AFF2: variants seen among roughly 807,000 people sequenced by gnomAD.
AFF2 encodes AF4/FMR2 family member 2.
AFF2 carries 14 observed loss-of-function variants against 76.9 expected under a neutral mutation model. That is an observed-to-expected ratio of 0.18 (90% CI 0.12 to 0.28). The LOEUF (loss-of-function observed/expected upper bound fraction) is 0.28, where lower values mean the gene tolerates loss of function less well. Among genes scored for constraint, AFF2 ranks in the 10% least tolerant of loss-of-function variants. The pLI is 1.00. For missense variants in AFF2, 868 were observed against 1,001.1 expected (o/e 0.87, Z 1.79); for synonymous variants, 398 against 366.7 (o/e 1.09, Z -0.98).
At chrX:148,515,160 C>A (rs1390399824) in intron 1 of AFF2, among the ~76,000 whole-genome samples, 2 of 111,696 alleles carry the variant, frequency 1.8e-5, no homozygotes, top group Non-Finnish European at 3.8e-5. Flanking sequence ...AAATTGTTTC[C>A]TCACTGGAAA....
intron 1 of AFF2, among the ~76,000 whole-genome samples, chrX:148,534,153 A>T (rs997321098): frequency 8.9e-6 from 1 of 112,174 alleles, no homozygotes; most frequent in East Asian, 2.8e-4. Flanking sequence ...TTCTACCTAT[A>T]GCAAAACAAT....
intron 1 of AFF2, among the ~76,000 whole-genome samples, chrX:148,521,406 ACACACT>A (rs1349529426): frequency 0.032 from 1,987 of 61,427 alleles, 51 homozygotes; most frequent in African/African-American, 0.11. Context: ...ACACACACAC[ACACACT>A]CACTGAGACT....
chrX:148,555,321 GAGGAT>G (rs1457012251), intron 1 of AFF2, among the ~76,000 whole-genome samples: 6 of 112,215 alleles, frequency 5.3e-5, no homozygotes, highest in Non-Finnish European at 1.1e-4. Context: ...GGGGCTGCGA[GAGGAT>G]TATGGTCTCT....
At position 148,962,911 on chromosome X, in the gene AFF2, G is replaced by A. The variant is rs1557288277; in HGVS notation, c.2887G>A (p.Ala963Thr). 6 of 1,194,757 alleles carry A rather than the reference G, an allele frequency of 5.0e-6. No individual in the cohort carries two copies. The change falls in exon 13 of 21, where the codon GCT (alanine) becomes ACT (threonine). Residue 963 changes from alanine to threonine, a missense_variant. Transcript: ENST00000370460. ...TAAGAGAACTGAAGGCAAATTCTGT[G>A]CTACTTTCAAAGGGATATCGGTAAA... ...KPKRTEGKFCATFKGISVNEG... is the reference protein window; with the variant it reads ...KPKRTEGKFCTTFKGISVNEG...
chrX:148,830,499 T>C (rs1160833604), intron 4 of AFF2, among the ~76,000 whole-genome samples: 1 of 111,888 alleles, frequency 8.9e-6, no homozygotes, highest in African/African-American at 3.3e-5. Flanking sequence ...TCCGTAAGTG[T>C]CGGCCTGTCT....
chrX:148,973,396 C>T (rs1379597641), intron 15 of AFF2, 75 bp from the exon 16 acceptor site: 3 of 1,153,953 alleles, frequency 2.6e-6, no homozygotes, highest in South Asian at 2.0e-5. Flanking sequence ...AAACTACCCC[C>T]CAGTTTCAAA....
chrX:148,638,768 G>T (rs1473058639), intron 1 of AFF2, among the ~76,000 whole-genome samples: 1 of 110,912 alleles, frequency 9.0e-6, no homozygotes, highest in Admixed American at 9.6e-5. Flanking sequence ...CATTCACTAT[G>T]GCAAGTACAG....
At position 148,911,156 on chromosome X, in the gene AFF2, A is replaced by T. The variant is rs782695084; in HGVS notation, c.1397+6898A>T. Among the ~76,000 whole-genome samples, 5 of 110,314 alleles carry T rather than the reference A, an allele frequency of 4.5e-5. No individual in the cohort carries two copies. The East Asian group carries it at 1.4e-3, about 32-fold the overall frequency. On this transcript the variant is annotated intron_variant, in intron 9 of 20. Coordinates refer to ENST00000370460, the MANE Select transcript of AFF2 (RefSeq NM_002025.4). ...TGCATCTGTATTTAACTCCACACAC[A>T]CACGTGCACACACATAATGCCTTTC...
chrX:148,986,630 C>A (rs1182495134), intron 19 of AFF2, among the ~76,000 whole-genome samples: 1 of 112,762 alleles, frequency 8.9e-6, no homozygotes, highest in Admixed American at 9.3e-5. Flanking sequence ...CTACTTTTCC[C>A]AGCTTCCCAA....
intron 10 of AFF2, 73 bp downstream of exon 10, chrX:148,953,812 C>A: frequency 2.0e-5 from 14 of 692,236 alleles, no homozygotes; most frequent in Non-Finnish European, 2.8e-5. Flanking sequence ...CACACACACA[C>A]AGACACACAC....
chrX:148,643,141 G>A (rs1603265918), intron 1 of AFF2, among the ~76,000 whole-genome samples: 1 of 111,746 alleles, frequency 8.9e-6, no homozygotes, highest in African/African-American at 3.3e-5. Flanking sequence ...GAAGAAACAG[G>A]AAATATATAA....
At chrX:148,920,043 T>TA (rs1488692226) in intron 9 of AFF2, among the ~76,000 whole-genome samples, 3 of 111,914 alleles carry the variant, frequency 2.7e-5, no homozygotes, top group East Asian at 2.8e-4. Context: ...CACTGTGATG[T>TA]AAAAAAAACA....
At chrX:148,929,555 G>A (rs782124162) in intron 9 of AFF2, among the ~76,000 whole-genome samples, 7 of 111,769 alleles carry the variant, frequency 6.3e-5, no homozygotes, top group Non-Finnish European at 1.3e-4. Context: ...AGATTAGACC[G>A]GTGTTCTTGT....
chrX:148,602,700 G>A (rs1557248243), intron 1 of AFF2, among the ~76,000 whole-genome samples: 1 of 111,135 alleles, frequency 9.0e-6, no homozygotes, highest in Non-Finnish European at 1.9e-5. Context: ...AACAGGCAAT[G>A]TAGAGTAACA....
intron 3 of AFF2, among the ~76,000 whole-genome samples, chrX:148,681,431 C>T (rs1173602556): frequency 9.1e-6 from 1 of 109,936 alleles, no homozygotes; most frequent in African/African-American, 3.3e-5. Flanking sequence ...GTACACAGGG[C>T]GAAATTAACT....
intron 15 of AFF2, among the ~76,000 whole-genome samples, chrX:148,969,359 T>C (rs1328452529): frequency 8.9e-6 from 1 of 112,444 alleles, no homozygotes; most frequent in African/African-American, 3.2e-5. Flanking sequence ...AGAGAATAAG[T>C]ATATTTCTTG....
chrX:148,641,797 CT>C (rs782187890), intron 1 of AFF2, among the ~76,000 whole-genome samples: 1 of 111,754 alleles, frequency 8.9e-6, no homozygotes, highest in South Asian at 3.7e-4. Context: ...CTGCCTTTAC[CT>C]TCACATAGAG....
At chrX:148,806,392 G>A (rs1427847147) in intron 3 of AFF2, among the ~76,000 whole-genome samples, 2 of 111,882 alleles carry the variant, frequency 1.8e-5, no homozygotes, top group Non-Finnish European at 3.8e-5. Flanking sequence ...ACTCCCATAT[G>A]GAGCGAGGAC....
chrX:148,628,681 T>C (rs2053952214), intron 1 of AFF2, among the ~76,000 whole-genome samples: 1 of 112,261 alleles, frequency 8.9e-6, no homozygotes, highest in Non-Finnish European at 1.9e-5. Flanking sequence ...TATTTGTTTC[T>C]AGAAGTAAAA....
Sources: gnomAD v4.1 joint callset for allele counts (sites outside exome capture counted in the v4.1 genomes callset) on GRCh38, gnomAD v4.1.1 for gene constraint, MANE v1.5 for transcripts, NCBI Gene and HGNC (gene_info 2026-07-23, HGNC 2026-07-21) for gene names.